HERC2: variants seen among roughly 807,000 people sequenced by gnomAD.
HERC2 encodes HECT and RLD domain containing E3 ubiquitin protein ligase 2, also known as E3 ubiquitin-protein ligase HERC2.
In HERC2, 102 loss-of-function variants were observed where a neutral mutation model predicts 537.7. The ratio of observed to expected loss-of-function variants is 0.19; its 90% CI spans 0.16 to 0.22. The LOEUF (loss-of-function observed/expected upper bound fraction) is 0.22, where lower values mean the gene tolerates loss of function less well. HERC2 is among the 10% of genes least tolerant of loss of function. HERC2 has a pLI of 1.00. For synonymous variants in HERC2, 2,224 were observed against 2,466.2 expected, an observed-to-expected ratio of 0.90 and a Z score of 2.91; for missense variants, 4,236 against 6,198.2, an observed-to-expected ratio of 0.68 and a Z score of 10.63.
At chr15:28,248,400 T>C (rs1421245024) in intron 21 of HERC2, 152 bp downstream of exon 21, 1 of 580,210 alleles carries the variant, frequency 1.7e-6, no homozygotes, top group African/African-American at 1.9e-5. Flanking sequence ...AAGGTCCAAC[T>C]CAAAAAAGTG....
intron 78 of HERC2, among the ~76,000 whole-genome samples, chr15:28,140,345 C>T (rs919028045): frequency 3.3e-5 from 5 of 151,802 alleles, no homozygotes; most frequent in Admixed American, 6.6e-5. Flanking sequence ...CCCACACAAA[C>T]GGGAAAAATA....
intron 69 of HERC2, among the ~76,000 whole-genome samples, chr15:28,156,375 T>G (rs2142377940): frequency 6.6e-6 from 1 of 152,334 alleles, no homozygotes; most frequent in South Asian, 2.1e-4. Flanking sequence ...TTTCACGATT[T>G]CCTATCCATG....
At chr15:28,214,427 C>T (rs1279947552) in intron 40 of HERC2, among the ~76,000 whole-genome samples, 155 bp from the exon 41 acceptor site, 1 of 151,708 alleles carries the variant, frequency 6.6e-6, no homozygotes, top group Non-Finnish European at 1.5e-5. Context: ...GACGGCACTG[C>T]GCCGCTCTTC....
At chr15:28,258,944 A>C (rs1288652536) in intron 16 of HERC2, among the ~76,000 whole-genome samples, 1 of 152,234 alleles carries the variant, frequency 6.6e-6, no homozygotes, top group African/African-American at 2.4e-5. Context: ...GAGAATACTA[A>C]GGAAAACTTG....
intron 69 of HERC2, among the ~76,000 whole-genome samples, chr15:28,159,541 G>A (rs112150401): frequency 0.014 from 2,096 of 152,276 alleles, 48 homozygotes; most frequent in African/African-American, 0.048. Flanking sequence ...TGAAGTGTGT[G>A]CATTTGTCAC....
rs572528358 is a variant in HERC2, at chr15:28,212,062, G to A, written c.6925+383C>T. Among the ~76,000 whole-genome samples the A allele has an allele frequency of 1.7e-4, 26 of 152,282 alleles. No individual in the cohort carries two copies. In the South Asian group the frequency reaches 2.7e-3, roughly 16 times the overall value. ...TGTCACAGGCAAGCCAGGCGCTTCC[G>A]GGACAGAGGCCCCTGGATCCGGCAG... On this transcript the variant is annotated intron_variant, in intron 43 of 92. Coordinates refer to ENST00000261609, the MANE Select transcript of HERC2 (RefSeq NM_004667.6).
In HERC2 at chr15:28,191,961, CT is replaced by C; in HGVS notation, c.8450del (p.Lys2817SerfsTer17). 6.2e-7 allele frequency: 1 copy of C among 1,612,778 alleles called. No homozygotes were observed. On this transcript the variant is annotated frameshift_variant and splice_region_variant, in exon 53 of 93. Coordinates refer to ENST00000261609, the MANE Select transcript of HERC2 (RefSeq NM_004667.6). LOFTEE classifies it high-confidence loss of function. Reference sequence around the variant, plus strand: ...GCTGCTGTGCCCTATTAGATGCTACCTTTCCTTGCGACCCCGATGACTGCCA... The same window carrying C: ...GCTGCTGTGCCCTATTAGATGCTACCTTCCTTGCGACCCCGATGACTGCCA... ...PCWQSSGSQG[K>X]HWIRLEIFPD...
intron 3 of HERC2, among the ~76,000 whole-genome samples, chr15:28,293,670 C>T (rs914706387): frequency 6.6e-6 from 1 of 152,084 alleles, no homozygotes; most frequent in African/African-American, 2.4e-5. Context: ...GCTTGTGTAT[C>T]CATGGGAAAA....
rs1390473034 is a variant in HERC2 at position 28,316,328 on chromosome 15, A to C, written c.72+5034T>G. 3.3e-5 allele frequency among the ~76,000 whole-genome samples: 5 copies of C among 151,936 alleles called. No individual in the cohort carries two copies. In the East Asian group the frequency reaches 9.6e-4, roughly 29 times the overall value. ...GTATTACTAGTCTTTTCCAAGAACCAAAGTTAAAAGTTAGTTCTTTAAAAC... is the reference window on the plus strand; with the variant it reads ...GTATTACTAGTCTTTTCCAAGAACCCAAGTTAAAAGTTAGTTCTTTAAAAC... On this transcript the variant is annotated intron_variant, in intron 2 of 92. Transcript: ENST00000261609.
chr15:28,128,491 G>A (rs1889745835), intron 83 of HERC2, among the ~76,000 whole-genome samples: 1 of 152,188 alleles, frequency 6.6e-6, no homozygotes, highest in South Asian at 2.1e-4. Flanking sequence ...AAAAAGTTCT[G>A]GATCAAGAAC....
chr15:28,115,440 C>A lies in HERC2; in HGVS notation c.13711G>T (p.Asp4571Tyr), dbSNP rs1232999849. The A allele has an allele frequency of 5.6e-6, 9 of 1,613,568 alleles. No homozygotes were observed. The East Asian group carries it at 2.0e-4, about 36-fold the overall frequency. ...QLAGMSLTIA[D>Y]LSEVDKDFIP... ...CCCCAGGGAGTTACCTCACTGAGGTCCGCGATGGTGAGGCTCATCCCAGCC... is the reference window on the plus strand; with the variant it reads ...CCCCAGGGAGTTACCTCACTGAGGTACGCGATGGTGAGGCTCATCCCAGCC... Residue 4571 changes from aspartate to tyrosine, a missense_variant, in exon 89 of 93, where the codon GAC (aspartate) becomes TAC (tyrosine). Coordinates refer to ENST00000261609, the MANE Select transcript of HERC2 (RefSeq NM_004667.6).
At chr15:28,123,548 G>A (rs1441277205) in intron 85 of HERC2, among the ~76,000 whole-genome samples, 1 of 152,130 alleles carries the variant, frequency 6.6e-6, no homozygotes, top group African/African-American at 2.4e-5. Flanking sequence ...TTCACCACCT[G>A]TTAATTCTCA....
In HERC2 at chr15:28,176,671, C is replaced by G; in HGVS notation, c.9514+16G>C. 6.2e-7 allele frequency: 1 copy of G among 1,614,096 alleles called. No homozygotes were observed. The highest frequency in any genetic ancestry group is 8.5e-7 in the Non-Finnish European group (1 of 1,179,958). On this transcript the variant is annotated intron_variant, in intron 62 of 92. Coordinates refer to ENST00000261609, the MANE Select transcript of HERC2 (RefSeq NM_004667.6). This position sits in a 1 kb window ranked among gnomAD's most constrained non-coding sequence, Gnocchi z 5.0. ...TCCTACCCACCCAGAAGCACAGAAT[C>G]CTGCCAGCCACTCACCTTCATCGGT...
At chr15:28,253,826 GTTGCGGACGCCTGTAGTCCCAGCTAC>G (rs924259804) in intron 20 of HERC2, among the ~76,000 whole-genome samples, 1 of 151,874 alleles carries the variant, frequency 6.6e-6, no homozygotes, top group Non-Finnish European at 1.5e-5. Context: ...GCCAGGTGTG[GTTGCGGACGCCTGTAGTCCCAGCTAC>G]TTGGGAGGCT....
rs763307795 is a variant in HERC2 at position 28,254,412 on chromosome 15, A to G, written c.2978T>C (p.Ile993Thr). The change falls in exon 20 of 93, where the codon ATT becomes ACT. Residue 993 changes from isoleucine (I) to threonine (T), a missense_variant. Ile to Thr is a moderately conservative substitution (Grantham distance 89, BLOSUM62 -1). Around this residue, in one of 27 missense-constraint regions of HERC2, gnomAD observed 754 missense variants for 1,085.0 expected, o/e 0.69. Coordinates refer to ENST00000261609, the MANE Select transcript of HERC2 (RefSeq NM_004667.6). ...RSRTPLDKDL[I>T]NTGICESSGK... ...AGAAGACTCACAGATCCCCGTATTA[A>G]TAAGGTCTTTATCCAGTGGAGTCCT... 2 of 1,609,458 alleles carry G rather than the reference A, an allele frequency of 1.2e-6. No homozygotes were observed. Among genetic ancestry groups the G allele is most frequent in the East Asian group, 2.2e-5 (1 of 44,822 alleles).
intron 2 of HERC2, among the ~76,000 whole-genome samples, chr15:28,314,120 C>G (rs796864464): frequency 6.6e-6 from 1 of 152,122 alleles, no homozygotes; most frequent in African/African-American, 2.4e-5. Context: ...TTATTGTTAC[C>G]CAGAGCCTCG....
rs1458239894 is a variant in HERC2 at position 28,143,961 on chromosome 15, C to T, written c.11330G>A (p.Arg3777Lys). 1 of 1,614,154 alleles carries T rather than the reference C, an allele frequency of 6.2e-7. No individual in the cohort carries two copies. Among genetic ancestry groups the T allele is most frequent in the South Asian group, 1.1e-5 (1 of 91,084 alleles). ...TTCAGTTGTAAGCAGCTTCCTCAGT[C>T]TCTGAAGGGCCCACATTCTGTGACT... The part of the protein sequence containing the change: ...AASHRMWALQ[R>K]LRKLLTTEFG... The change falls in exon 74 of 93, where the codon AGA (arginine) becomes AAA (lysine). Residue 3777 changes from arginine to lysine, a missense_variant. Arg to Lys is a conservative substitution (Grantham distance 26). Around this residue, in one of 27 missense-constraint regions of HERC2, gnomAD observed 109 missense variants for 133.5 expected, o/e 0.82. Coordinates refer to ENST00000261609, the MANE Select transcript of HERC2 (RefSeq NM_004667.6).
intron 4 of HERC2, among the ~76,000 whole-genome samples, chr15:28,290,421 G>T (rs549418381): frequency 6.6e-6 from 1 of 152,138 alleles, no homozygotes; most frequent in African/African-American, 2.4e-5. Flanking sequence ...ATAGAGACAG[G>T]GTTTCACCAT....
intron 70 of HERC2, 91 bp downstream of exon 70, chr15:28,152,586 G>A: frequency 2.7e-6 from 3 of 1,130,240 alleles, no homozygotes; most frequent in Non-Finnish European, 3.6e-6. Flanking sequence ...TTATAAAATG[G>A]AGATGGTTGT....
Sources: allele counts gnomAD v4.1 joint callset (sites outside exome capture counted in the v4.1 genomes callset), GRCh38; gene constraint gnomAD v4.1.1; regional missense constraint gnomAD v4.1.1; non-coding constraint Gnocchi (gnomAD v3.1); transcripts MANE v1.5; gene names NCBI Gene and HGNC (gene_info 2026-07-23, HGNC 2026-07-21).